CACNB4: variants seen among roughly 807,000 people sequenced by gnomAD.
CACNB4 encodes voltage-dependent L-type calcium channel subunit beta-4.
A neutral mutation model predicts 71.2 loss-of-function variants in CACNB4; 32 were observed. The observed-to-expected ratio is 0.45, with a 90% confidence interval of 0.34 to 0.60. CACNB4 has a LOEUF of 0.60. Ranked by LOEUF, CACNB4 falls within the 20% of genes least tolerant of loss-of-function variation. The pLI is 0.01. For synonymous variants in CACNB4, 231 were observed against 236.9 expected (o/e 0.97, Z 0.23); for missense variants, 464 against 647.9 (o/e 0.72, Z 3.08).
intron 2 of CACNB4, among the ~76,000 whole-genome samples, chr2:152,021,673 G>A (rs1314282281): frequency 6.6e-6 from 1 of 152,156 alleles, no homozygotes; most frequent in Non-Finnish European, 1.5e-5. Context: ...AATCAATGAT[G>A]CTTTATCAAG....
chr2:152,098,438 A>T lies in CACNB4; in HGVS notation c.64-25T>A. ...CCTGGACTCGACACACGGGGGCCAG[A>T]GAGAAGCCGGTGAGGACCGCAGCGC... On this transcript the variant is annotated intron_variant, in intron 1 of 13. Transcript: ENST00000539935. The surrounding 1 kb of genome is among the most constrained non-coding windows in gnomAD (Gnocchi z 5.3). The T allele has an allele frequency of 6.3e-7, 1 of 1,599,248 alleles. No homozygotes were observed. Among genetic ancestry groups the T allele is most frequent in the Non-Finnish European group, 8.6e-7 (1 of 1,166,876 alleles).
chr2:151,856,707 TTAAA>T (rs1490111316), intron 10 of CACNB4: 1 of 152,032 alleles, frequency 6.6e-6, no homozygotes, highest in African/African-American at 2.4e-5. Context: ...ACTATCTAAC[TTAAA>T]TTATTATTAT....
Position 151,876,434 on chromosome 2 carries a change from A to T in CACNB4, c.513T>A (p.Phe171Leu). 6.3e-7 allele frequency: 1 copy of T among 1,595,332 alleles called. No individual in the cohort carries two copies. Among genetic ancestry groups the T allele is most frequent in the Non-Finnish European group, 8.6e-7 (1 of 1,168,336 alleles). ...AAAAGATGGGAACGTACCCTCCGTG[A>T]AAACGTCCTCTTTTTTGTTCTTGCT... ...RIQQEQKRGR[F>L]HGGKSSGNSS... Residue 171 changes from phenylalanine (F) to leucine (L), a missense_variant, in exon 5 of 14, where the codon TTT becomes TTA. Coordinates refer to ENST00000539935, the MANE Select transcript of CACNB4 (RefSeq NM_000726.5).
At chr2:152,005,275 T>C (rs1441866807) in intron 2 of CACNB4, among the ~76,000 whole-genome samples, 1 of 152,218 alleles carries the variant, frequency 6.6e-6, no homozygotes, top group Non-Finnish European at 1.5e-5. Context: ...TCAACCTACA[T>C]GCCCATCAGT....
intron 2 of CACNB4, among the ~76,000 whole-genome samples, chr2:151,938,040 G>C (rs2099863363): frequency 6.6e-6 from 1 of 152,130 alleles, no homozygotes; most frequent in Non-Finnish European, 1.5e-5. Context: ...CCAATATCTT[G>C]AGTTCCCACA....
At chr2:152,031,966 G>A (rs1471237170) in intron 2 of CACNB4, among the ~76,000 whole-genome samples, 1 of 152,154 alleles carries the variant, frequency 6.6e-6, no homozygotes, top group Non-Finnish European at 1.5e-5. Context: ...TTGCTTGAAC[G>A]AAGGCTCCAT....
intron 2 of CACNB4, among the ~76,000 whole-genome samples, chr2:151,889,235 G>A (rs745830268): frequency 4.6e-5 from 7 of 152,036 alleles, no homozygotes; most frequent in Non-Finnish European, 8.8e-5. Context: ...TTGGGAGGCC[G>A]AGGCAGACGG....
rs1198526969 is a variant in CACNB4, at chr2:151,875,746, C to T, written c.521+680G>A. Among the ~76,000 whole-genome samples the T allele has an allele frequency of 1.3e-4, 12 of 88,970 alleles. 1 individual carries two copies. The highest frequency in any genetic ancestry group is 5.4e-4 in the African/African-American group (11 of 20,532). 58.4% of individuals were successfully genotyped at this position (88,970 alleles called of 152,430 possible). On this transcript the variant is annotated intron_variant, in intron 5 of 13. Transcript: ENST00000539935. ...CTCCTCACTTCCCAGTAGGGGCGGC[C>T]GGGCAGAGGCACCCCTCACCTCCCG...
intron 2 of CACNB4, among the ~76,000 whole-genome samples, chr2:152,073,286 C>A (rs190665947): frequency 6.6e-6 from 1 of 152,118 alleles, no homozygotes; most frequent in African/African-American, 2.4e-5. Context: ...GGGAGCCAGT[C>A]GAGAAGGAAA....
chr2:151,874,528 T>C (rs1010138917), intron 5 of CACNB4, among the ~76,000 whole-genome samples: 30 of 151,670 alleles, frequency 2.0e-4, no homozygotes, highest in Non-Finnish European at 2.6e-4. Context: ...GGGATTAATA[T>C]TAATAATAGT....
chr2:151,923,188 C>T (rs1345735010), intron 2 of CACNB4, among the ~76,000 whole-genome samples: 1 of 152,210 alleles, frequency 6.6e-6, no homozygotes, highest in Non-Finnish European at 1.5e-5. Flanking sequence ...AACTGCAAGT[C>T]AGAGTTAGCC....
intron 12 of CACNB4, among the ~76,000 whole-genome samples, chr2:151,846,579 G>T (rs1046372574): frequency 2.0e-5 from 3 of 151,946 alleles, no homozygotes; most frequent in Admixed American, 1.3e-4. Context: ...TGGAGATAGG[G>T]TCTCACTCCA....
In CACNB4 at chr2:151,841,967, A is replaced by T; in HGVS notation, c.1238T>A (p.Leu413Gln). ...CGTGGAGCCCAAATTCCTTCCCAGC[A>T]GCGGGGTCATGGGTGTGCTACTGGT... ...HTTSSTPMTP[L>Q]LGRNLGSTAL... The change falls in exon 13 of 14, where the codon CTG becomes CAG. Residue 413 changes from leucine (L) to glutamine (Q), a missense_variant. Around this residue, in one of 3 missense-constraint regions of CACNB4, gnomAD observed 299 missense variants for 471.7 expected, o/e 0.63. Coordinates refer to ENST00000539935, the MANE Select transcript of CACNB4 (RefSeq NM_000726.5). 1.9e-6 allele frequency: 3 copies of T among 1,613,922 alleles called. No homozygotes were observed. The highest frequency in any genetic ancestry group is 2.5e-6 in the Non-Finnish European group (3 of 1,179,872).
At chr2:152,000,099 T>C (rs974298972) in intron 2 of CACNB4, among the ~76,000 whole-genome samples, 1 of 152,212 alleles carries the variant, frequency 6.6e-6, no homozygotes, top group Admixed American at 6.5e-5. Context: ...CTTTTATTGA[T>C]CCTGAATTTT....
At chr2:151,957,102 G>A (rs1233988353) in intron 2 of CACNB4, among the ~76,000 whole-genome samples, 7 of 152,094 alleles carry the variant, frequency 4.6e-5, no homozygotes, top group Middle Eastern at 3.2e-3. Context: ...GCAGTGAGCC[G>A]AGATCGTGCC....
At chr2:151,980,198 T>C (rs190312227) in intron 2 of CACNB4, among the ~76,000 whole-genome samples, 119 of 152,300 alleles carry the variant, frequency 7.8e-4, no homozygotes, top group Non-Finnish European at 4.9e-4. Flanking sequence ...CACCTAATAT[T>C]TCCTCTAAAC....
chr2:151,902,032 C>CTTTTTTT (rs70974804), intron 2 of CACNB4, among the ~76,000 whole-genome samples: 1 of 130,224 alleles, frequency 7.7e-6, no homozygotes, highest in Non-Finnish European at 1.6e-5. Context: ...ACAACATCAC[C>CTTTTTTT]TTTTTTTTTT....
At chr2:151,879,021 A>G (rs1473589602) in intron 4 of CACNB4, among the ~76,000 whole-genome samples, 3 of 152,236 alleles carry the variant, frequency 2.0e-5, no homozygotes, top group Non-Finnish European at 2.9e-5. Flanking sequence ...TTTTAGTATA[A>G]CAGGCCTAAA....
At chr2:151,908,886 A>C (rs1005689504) in intron 2 of CACNB4, among the ~76,000 whole-genome samples, 2 of 152,134 alleles carry the variant, frequency 1.3e-5, no homozygotes, top group African/African-American at 4.8e-5. Context: ...CATTTGGGGC[A>C]TATTTAAATG....
Sources: allele counts gnomAD v4.1 joint callset (sites outside exome capture counted in the v4.1 genomes callset), GRCh38; gene constraint gnomAD v4.1.1; regional missense constraint gnomAD v4.1.1; non-coding constraint Gnocchi (gnomAD v3.1); transcripts MANE v1.5; gene names NCBI Gene and HGNC (gene_info 2026-07-23, HGNC 2026-07-21).